Variants in KAZN observed in about 807,000 individuals in gnomAD.
The protein encoded by KAZN is kazrin.
A neutral mutation model predicts 87.4 loss-of-function variants in KAZN; 40 were observed. The ratio of observed to expected loss-of-function variants is 0.46; its 90% CI spans 0.36 to 0.60. The LOEUF is 0.60. Ranked by LOEUF, KAZN falls within the 20% of genes least tolerant of loss-of-function variation. KAZN has a pLI of 0.00. For synonymous variants in KAZN, 466 were observed against 458.3 expected, an observed-to-expected ratio of 1.02 and a Z score of -0.22; for missense variants, 898 against 1,073.9, an observed-to-expected ratio of 0.84 and a Z score of 2.29.
In KAZN at chr1:14,923,236, CAG is replaced by C. The variant is rs943333421; in HGVS notation, c.227-37447_227-37446del. ...GGCCTCGGCTCCCGCGTGTCTACAA[CAG>C]GGGGGAACTGGACCTGCCTCCTGGG... On this transcript the variant is annotated intron_variant, in intron 1 of 14. Transcript: ENST00000376030. The surrounding 1 kb of genome is among the most constrained non-coding windows in gnomAD (Gnocchi z 4.2). 2.0e-5 allele frequency among the ~76,000 whole-genome samples: 3 copies of C among 152,180 alleles called. No homozygotes were observed. The highest frequency in any genetic ancestry group is 7.2e-5 in the African/African-American group (3 of 41,426).
At chr1:14,556,221 T>C (rs559304507) in intron 2 of KAZN, among the ~76,000 whole-genome samples, 3 of 151,770 alleles carry the variant, frequency 2.0e-5, no homozygotes, top group Non-Finnish European at 4.4e-5. Context: ...ACCATTCTCC[T>C]GCCTCAGCCT....
intron 1 of KAZN, among the ~76,000 whole-genome samples, chr1:14,928,091 G>A (rs1438083886): frequency 6.6e-6 from 1 of 152,154 alleles, no homozygotes; most frequent in African/African-American, 2.4e-5. Context: ...TGTCCCAACC[G>A]GGAATTTATC....
intron 2 of KAZN, among the ~76,000 whole-genome samples, chr1:14,505,827 AGCCAGGCGT>A (rs201877621): frequency 0.021 from 3,156 of 152,192 alleles, 102 homozygotes; most frequent in African/African-American, 0.071. Flanking sequence ...ACAAAAAATT[AGCCAGGCGT>A]GGCGGCATGA....
intron 2 of KAZN, among the ~76,000 whole-genome samples, chr1:14,518,280 G>A (rs1019808809): frequency 2.7e-5 from 4 of 147,286 alleles, no homozygotes; most frequent in Admixed American, 1.4e-4. Context: ...AGGTTCAAGC[G>A]ATTCTCCTGC....
rs1402653172 is a variant in KAZN, at chr1:14,055,802, A to T, written c.92-124633A>T. On this transcript the variant is annotated intron_variant, in intron 1 of 16. Transcript: ENST00000636203. ...CACAGAGCAAAGGAAAATGAATATTATTGTTTACAACAGAAAAATCAGCCT... is the reference window on the plus strand; with the variant it reads ...CACAGAGCAAAGGAAAATGAATATTTTTGTTTACAACAGAAAAATCAGCCT... Among the ~76,000 whole-genome samples, 4 of 152,304 alleles carry T rather than the reference A, an allele frequency of 2.6e-5. 2 individuals are homozygous for T. The highest frequency in any genetic ancestry group is 9.6e-5 in the African/African-American group (4 of 41,550).
Position 13,966,182 on chromosome 1 carries a change from TCCC to T in KAZN, c.91+72427_91+72429del, listed in dbSNP as rs1400611643. Among the ~76,000 whole-genome samples, 32 of 98,042 alleles carry T rather than the reference TCCC, an allele frequency of 3.3e-4. No individual in the cohort carries two copies. In the South Asian group the frequency reaches 0.011, roughly 34 times the overall value. 64.3% of individuals were successfully genotyped at this position (98,042 alleles called of 152,430 possible). ...CTTTCTCTCCCTGCCTCCTCTTCCT[TCCC>T]TCCCTCCTACTCCTTCCCTCCCTCC... On this transcript the variant is annotated intron_variant, in intron 1 of 16. Transcript: ENST00000636203.
chr1:14,577,297 T>G (rs1675252328), intron 2 of KAZN, among the ~76,000 whole-genome samples: 1 of 152,242 alleles, frequency 6.6e-6, no homozygotes, highest in Non-Finnish European at 1.5e-5. Context: ...CAAGCTGGTT[T>G]CTGGGGCAGC....
intron 2 of KAZN, among the ~76,000 whole-genome samples, chr1:14,334,298 G>C (rs1409836163): frequency 6.8e-6 from 1 of 146,992 alleles, no homozygotes; most frequent in Non-Finnish European, 1.5e-5. Flanking sequence ...CCAAGAAGCA[G>C]AGGTTGCAGT....
chr1:15,056,165 G>A lies in KAZN; in HGVS notation c.801G>A (p.Val267=). The change falls in exon 5 of 15, where the codon GTG becomes GTA. Residue 267 remains valine (V), a synonymous_variant. Transcript: ENST00000376030. The surrounding 1 kb of genome is among the most constrained non-coding windows in gnomAD (Gnocchi z 5.4). ...CCCTCGCCATGCCGGGCGAGACGGT[G>A]CTCAATGGCAACCAGGAGTGGGTGG... ...RHSLAMPGET[V]LNGNQEWVVQ... 1.9e-6 allele frequency: 3 copies of A among 1,614,230 alleles called. No homozygotes were observed. Among genetic ancestry groups the A allele is most frequent in the Non-Finnish European group, 2.5e-6 (3 of 1,180,036 alleles).
intron 2 of KAZN, among the ~76,000 whole-genome samples, chr1:14,981,559 G>A (rs1001215056): frequency 3.9e-5 from 6 of 152,214 alleles, no homozygotes; most frequent in Non-Finnish European, 5.9e-5. Context: ...ATCTCTGGGG[G>A]GTTATAGCCC....
chr1:14,375,866 C>T (rs918846920), intron 2 of KAZN, among the ~76,000 whole-genome samples: 16 of 149,192 alleles, frequency 1.1e-4, no homozygotes, highest in African/African-American at 2.2e-4. Flanking sequence ...CCGGCCTGGG[C>T]GACAGAACAA....
chr1:13,927,493 G>T (rs945106503), intron 1 of KAZN, among the ~76,000 whole-genome samples: 3 of 152,158 alleles, frequency 2.0e-5, no homozygotes, highest in African/African-American at 7.2e-5. Context: ...ATCAGAGGTG[G>T]GTTAGGAGTT....
intron 2 of KAZN, among the ~76,000 whole-genome samples, chr1:14,464,547 C>CT (rs57569390): frequency 0.072 from 10,713 of 148,384 alleles, 899 homozygotes; most frequent in African/African-American, 0.2. Flanking sequence ...TTTTTTCTTT[C>CT]TTTTTTTTTG....
chr1:14,806,814 C>T (rs548529458), intron 1 of KAZN, among the ~76,000 whole-genome samples: 59 of 152,252 alleles, frequency 3.9e-4, no homozygotes, highest in African/African-American at 1.3e-3. Context: ...GTGGCAGAAC[C>T]GAGTTTGAAT....
intron 2 of KAZN, among the ~76,000 whole-genome samples, chr1:15,004,810 T>C (rs1202309379): frequency 6.8e-6 from 1 of 146,974 alleles, no homozygotes; most frequent in African/African-American, 2.5e-5. Context: ...TTAATAGATA[T>C]CATGCCTCAG....
chr1:14,440,269 G>A (rs1200294278), intron 2 of KAZN, among the ~76,000 whole-genome samples: 1 of 152,184 alleles, frequency 6.6e-6, no homozygotes, highest in Admixed American at 6.5e-5. Context: ...GACGGAGACT[G>A]CCCGCAACTC....
chr1:15,005,791 C>CAAA (rs36037344), intron 2 of KAZN, among the ~76,000 whole-genome samples: 14,021 of 145,556 alleles, frequency 0.096, 730 homozygotes, highest in South Asian at 0.18. Context: ...ACTCCGTCTC[C>CAAA]AAAAAAAAAA....
intron 2 of KAZN, among the ~76,000 whole-genome samples, chr1:14,242,803 C>T (rs1455530926): frequency 6.6e-6 from 1 of 152,202 alleles, no homozygotes; most frequent in African/African-American, 2.4e-5. Flanking sequence ...TTTGGCAATT[C>T]ACCATCATTA....
intron 8 of KAZN, chr1:15,067,765 A>G (rs1331964905): frequency 1.0e-6 from 1 of 985,238 alleles, no homozygotes; most frequent in Non-Finnish European, 1.2e-6. Context: ...CTTTGACCAA[A>G]CTGTTTAACC....
Sources: allele counts gnomAD v4.1 joint callset (sites outside exome capture counted in the v4.1 genomes callset), GRCh38; gene constraint gnomAD v4.1.1; non-coding constraint Gnocchi (gnomAD v3.1); transcripts MANE v1.5; gene names NCBI Gene and HGNC (gene_info 2026-07-23, HGNC 2026-07-21).